The following PCSK6 variants were observed in gnomAD, a reference collection of about 807,000 sequenced individuals.
PCSK6 encodes the protein proprotein convertase subtilisin/kexin type 6.
Under a neutral mutation model 123.3 loss-of-function variants are expected in PCSK6, and 85 were observed. That is an observed-to-expected ratio of 0.69 (90% confidence interval 0.58 to 0.83). The LOEUF (loss-of-function observed/expected upper bound fraction) is 0.83. Ranked by LOEUF, PCSK6 falls within the 40% of genes least tolerant of loss-of-function variation. The pLI, the probability that PCSK6 is intolerant of heterozygous loss-of-function variation, is 0.00. For missense variants in PCSK6, 1,191 were observed against 1,282.3 expected (o/e 0.93, Z 1.09); for synonymous variants, 508 against 516.0 (o/e 0.98, Z 0.21).
chr15:101,466,164 G>A (rs976110232), intron 1 of PCSK6, among the ~76,000 whole-genome samples: 3 of 152,106 alleles, frequency 2.0e-5, no homozygotes, highest in African/African-American at 7.2e-5. Flanking sequence ...TAAAGGACTC[G>A]TATCTAGAAT....
chr15:101,384,492 AG>A, intron 9 of PCSK6, 67 bp from the exon 10 acceptor site: 1 of 1,400,092 alleles, frequency 7.1e-7, no homozygotes, highest in Non-Finnish European at 9.9e-7. Flanking sequence ...GGCCACTCAG[AG>A]GCAGGGGGTC....
At position 101,489,480 on chromosome 15, in the gene PCSK6, G is replaced by A; in HGVS notation, c.191C>T (p.Pro64Leu). ...LLALPAACSA[P>L]PPRPVYTNHW... Reference sequence around the variant, plus strand: ...GTTGGTGTAGACGGGGCGCGGCGGGGGCGCGGAGCAGGCGGCAGGCAGCGC... The same window carrying A: ...GTTGGTGTAGACGGGGCGCGGCGGGAGCGCGGAGCAGGCGGCAGGCAGCGC... Residue 64 changes from proline to leucine, a missense_variant, in exon 1 of 22, where the codon CCC becomes CTC. Physicochemically the swap from Pro to Leu is moderately conservative, Grantham distance 98. Coordinates refer to ENST00000611716, the MANE Select transcript of PCSK6 (RefSeq NM_002570.5). 1 of 1,090,732 alleles carries A rather than the reference G, an allele frequency of 9.2e-7. No individual in the cohort carries two copies. The highest frequency in any genetic ancestry group is 1.1e-6 in the Non-Finnish European group (1 of 898,256). 67.6% of individuals were successfully genotyped at this position (1,090,732 alleles called of 1,614,324 possible). A position where few individuals can be genotyped will look rare whatever the true frequency, so the allele number is the denominator to read the frequency against.
In PCSK6 at chr15:101,332,023, T is replaced by C. The variant is rs1442084363; in HGVS notation, c.1867A>G (p.Lys623Glu). 6.3e-7 allele frequency: 1 copy of C among 1,592,044 alleles called. No homozygotes were observed. The highest frequency in any genetic ancestry group is 1.7e-5 in the Admixed American group (1 of 57,910). ...CCATACAGTATGAGGCTCCATTCTT[T>C]CAACTTCCCTGGAAGGCACCAAACC... ...VRNPEKQGKL[K>E]EWSLILYGTA... Residue 623 changes from lysine (K) to glutamate (E), a missense_variant, in exon 14 of 22, where the codon AAA becomes GAA. Physicochemically the swap from Lys to Glu is moderately conservative, Grantham distance 56 (BLOSUM62 1). Around this residue, in one of 3 missense-constraint regions of PCSK6, gnomAD observed 630 missense variants for 631.4 expected, o/e 1.00. Coordinates refer to ENST00000611716, the MANE Select transcript of PCSK6 (RefSeq NM_002570.5).
intron 1 of PCSK6, among the ~76,000 whole-genome samples, chr15:101,466,279 G>A (rs1402292119): frequency 1.3e-5 from 2 of 152,152 alleles, no homozygotes; most frequent in Non-Finnish European, 2.9e-5. Context: ...AGGAACATAC[G>A]TTCAACGTCA....
chr15:101,307,655 C>A, intron 20 of PCSK6: 1 of 287,830 alleles, frequency 3.5e-6, no homozygotes, highest in South Asian at 4.2e-5. Flanking sequence ...CCCCACCCCA[C>A]CACACGGCTC....
At chr15:101,474,832 C>T (rs2057691181) in intron 1 of PCSK6, among the ~76,000 whole-genome samples, 1 of 152,220 alleles carries the variant, frequency 6.6e-6, no homozygotes, top group African/African-American at 2.4e-5. Flanking sequence ...CCACCACTGC[C>T]TACCCAGTCC....
intron 6 of PCSK6, among the ~76,000 whole-genome samples, chr15:101,399,530 C>G (rs1403351625): frequency 6.6e-6 from 1 of 152,184 alleles, no homozygotes; most frequent in African/African-American, 2.4e-5. Flanking sequence ...TCTCCCAATG[C>G]CTGCCATCCC....
intron 1 of PCSK6, among the ~76,000 whole-genome samples, chr15:101,468,070 A>G (rs571496363): frequency 6.6e-6 from 1 of 152,352 alleles, no homozygotes; most frequent in African/African-American, 2.4e-5. Flanking sequence ...ACATGTTTCA[A>G]AAATAACAAA....
At chr15:101,431,879 T>C in intron 3 of PCSK6, 111 bp downstream of exon 3, 3 of 788,866 alleles carry the variant, frequency 3.8e-6, no homozygotes, top group Non-Finnish European at 6.6e-6. Context: ...AGGTGAAGTG[T>C]GTCTGTCTGG....
intron 6 of PCSK6, among the ~76,000 whole-genome samples, chr15:101,416,423 C>G (rs912171283): frequency 3.9e-5 from 6 of 152,196 alleles, no homozygotes; most frequent in African/African-American, 1.4e-4. Flanking sequence ...GGAAGCAGAG[C>G]ATAAAAGTTC....
intron 1 of PCSK6, among the ~76,000 whole-genome samples, chr15:101,470,814 T>A (rs1018758515): frequency 6.6e-6 from 1 of 152,210 alleles, no homozygotes; most frequent in Non-Finnish European, 1.5e-5. Context: ...GATTCCGACA[T>A]AGGACGCCTG....
chr15:101,331,365 A>G (rs1596191921), intron 15 of PCSK6, among the ~76,000 whole-genome samples: 1 of 152,242 alleles, frequency 6.6e-6, no homozygotes, highest in South Asian at 2.1e-4. Context: ...CAGGCTGGTC[A>G]GGATCTCTGC....
chr15:101,339,806 G>T (rs751315795), intron 13 of PCSK6, among the ~76,000 whole-genome samples: 2 of 152,068 alleles, frequency 1.3e-5, no homozygotes, highest in Non-Finnish European at 2.9e-5. Flanking sequence ...ATCCATTCAG[G>T]AGGCTGAGTT....
intron 1 of PCSK6, among the ~76,000 whole-genome samples, chr15:101,446,166 G>T (rs28430547): frequency 0.039 from 5,947 of 152,326 alleles, 371 homozygotes; most frequent in African/African-American, 0.13. Flanking sequence ...GGCCGGGGAG[G>T]GACGCTCCCA....
chr15:101,324,442 CAT>C (rs1280140880), intron 17 of PCSK6, among the ~76,000 whole-genome samples: 3 of 152,236 alleles, frequency 2.0e-5, no homozygotes, highest in Non-Finnish European at 4.4e-5. Flanking sequence ...AAGCCGATGG[CAT>C]AGTCTTTCCT....
intron 6 of PCSK6, among the ~76,000 whole-genome samples, chr15:101,414,273 C>G (rs182965481): frequency 6.6e-6 from 1 of 151,972 alleles, no homozygotes; most frequent in African/African-American, 2.4e-5. Context: ...CCATTCATAC[C>G]TATAGCAAGC....
intron 17 of PCSK6, among the ~76,000 whole-genome samples, chr15:101,324,217 G>A (rs879517631): frequency 2.0e-5 from 3 of 152,212 alleles, no homozygotes; most frequent in African/African-American, 4.8e-5. Context: ...GTTGCCACCT[G>A]TGAAATGCCC....
intron 1 of PCSK6, among the ~76,000 whole-genome samples, chr15:101,481,652 G>A (rs76941314): frequency 0.14 from 20,656 of 152,160 alleles, 1,788 homozygotes; most frequent in East Asian, 0.45. Context: ...AGTGAGACAG[G>A]CTTGGGGGAG....
chr15:101,320,839 C>T (rs1375692969), intron 18 of PCSK6, among the ~76,000 whole-genome samples: 1 of 152,334 alleles, frequency 6.6e-6, no homozygotes, highest in East Asian at 1.9e-4. Context: ...TGACGGCTGG[C>T]GATGCGTCTG....
Sources: gnomAD v4.1 joint callset for allele counts (sites outside exome capture counted in the v4.1 genomes callset) on GRCh38, gnomAD v4.1.1 for gene constraint, gnomAD v4.1.1 regional missense constraint, MANE v1.5 for transcripts, NCBI Gene and HGNC (gene_info 2026-07-23, HGNC 2026-07-21) for gene names.